Variants in FAM118B observed in about 807,000 individuals in gnomAD.
The protein encoded by FAM118B is SIR2 antiphage like 1.
A neutral mutation model predicts 38.5 loss-of-function variants in FAM118B; 24 were observed. That is an observed-to-expected ratio of 0.62 (90% CI 0.45 to 0.88). The LOEUF (loss-of-function observed/expected upper bound fraction) is 0.88. FAM118B is among the 40% of genes least tolerant of loss of function. FAM118B has a pLI of 0.00. For synonymous variants in FAM118B, 138 were observed against 156.3 expected (o/e 0.88, Z 0.87); for missense variants, 334 against 420.0 (o/e 0.80, Z 1.79).
chr11:126,257,739 T>C (rs1228927381), intron 7 of FAM118B, among the ~76,000 whole-genome samples: 5 of 152,168 alleles, frequency 3.3e-5, no homozygotes, highest in African/African-American at 9.7e-5. Flanking sequence ...TTATGTATTA[T>C]ATTTACAAAC....
intron 7 of FAM118B, 165 bp from the exon 8 acceptor site, chr11:126,261,260 C>T (rs1950691489): frequency 1.7e-6 from 1 of 600,296 alleles, no homozygotes; most frequent in Non-Finnish European, 3.0e-6. Context: ...AAGACTACTC[C>T]AGTTTATCCT....
At chr11:126,254,182 A>T in intron 5 of FAM118B, 123 bp from the exon 6 acceptor site, 2 of 1,201,188 alleles carry the variant, frequency 1.7e-6, no homozygotes, top group Non-Finnish European at 2.3e-6. Context: ...TTCTTGTCCT[A>T]TATCATGAAG....
intron 7 of FAM118B, chr11:126,261,159 T>TGTAAAAA: frequency 2.3e-6 from 1 of 440,324 alleles, no homozygotes; most frequent in African/African-American, 2.0e-5. Context: ...GTATGTGAAA[T>TGTAAAAA]GTAAAATGTA....
At chr11:126,213,536 A>G (rs1360347107) in intron 1 of FAM118B, among the ~76,000 whole-genome samples, 5 of 152,230 alleles carry the variant, frequency 3.3e-5, no homozygotes, top group African/African-American at 7.2e-5. Flanking sequence ...TGAACATCAC[A>G]TATTACTTAG....
At chr11:126,213,529 A>G (rs1191238054) in intron 1 of FAM118B, among the ~76,000 whole-genome samples, 2 of 152,240 alleles carry the variant, frequency 1.3e-5, no homozygotes, top group African/African-American at 4.8e-5. Flanking sequence ...TTTCACTTGA[A>G]CATCACATAT....
rs182300248 is a variant in FAM118B at position 126,214,049 on chromosome 11, A to T, written c.-77+2219A>T. The stretch of plus-strand genomic sequence containing the variant: ...GGTGATTTAAAGTAGAGTTGTTCTC[A>T]GTATAAAGAATTTATGTGGCCGGGC... On this transcript the variant is annotated intron_variant, in intron 1 of 8. Transcript: ENST00000533050. Among the ~76,000 whole-genome samples the T allele has an allele frequency of 2.0e-3, 302 of 152,342 alleles. 1 individual carries two copies. The highest frequency in any genetic ancestry group is 0.014 in the Admixed American group (219 of 15,306).
chr11:126,247,626 G>A (rs914113569), intron 4 of FAM118B, among the ~76,000 whole-genome samples: 8 of 152,006 alleles, frequency 5.3e-5, no homozygotes, highest in Admixed American at 1.3e-4. Context: ...TTGGGAGGCC[G>A]AGGCGGGCAG....
In FAM118B at chr11:126,244,254, A is replaced by G. The variant is rs1417827805; in HGVS notation, c.339+3210A>G. Among the ~76,000 whole-genome samples the G allele has an allele frequency of 6.6e-6, 1 of 152,230 alleles. No individual in the cohort carries two copies. Among genetic ancestry groups the G allele is most frequent in the African/African-American group, 2.4e-5 (1 of 41,460 alleles). ...GATGTTCTAGACCGGGCAGTTAAGC[A>G]AGAAAACTAAAGGAATCCATATTGG... On this transcript the variant is annotated intron_variant, in intron 4 of 8. Coordinates refer to ENST00000533050, the MANE Select transcript of FAM118B (RefSeq NM_024556.4). This position sits in a 1 kb window ranked among gnomAD's most constrained non-coding sequence, Gnocchi z 4.5.
intron 3 of FAM118B, among the ~76,000 whole-genome samples, chr11:126,237,740 C>T (rs1293766232): frequency 8.9e-5 from 13 of 146,298 alleles, no homozygotes; most frequent in African/African-American, 3.0e-4. Context: ...GCCTGTAATC[C>T]CAGCTACTCG....
chr11:126,234,488 A>G (rs1331139054), intron 2 of FAM118B, among the ~76,000 whole-genome samples: 1 of 152,228 alleles, frequency 6.6e-6, no homozygotes, highest in Non-Finnish European at 1.5e-5. Flanking sequence ...CAAGGTCACC[A>G]TCGTCCAACA....
chr11:126,227,021 AAGAG>A (rs1188637929), intron 1 of FAM118B, among the ~76,000 whole-genome samples: 1 of 151,134 alleles, frequency 6.6e-6, no homozygotes, highest in East Asian at 1.9e-4. Flanking sequence ...GATAAATTGA[AAGAG>A]AGAAATTGAA....
chr11:126,242,024 CAAAAA>C (rs60865966), intron 4 of FAM118B, among the ~76,000 whole-genome samples: 3 of 88,412 alleles, frequency 3.4e-5, no homozygotes, highest in East Asian at 6.4e-4. Context: ...GACTCCGTCT[CAAAAA>C]AAAAAAAAAA....
At chr11:126,251,731 C>CTTTT (rs1253065266) in intron 5 of FAM118B, among the ~76,000 whole-genome samples, 1 of 137,464 alleles carries the variant, frequency 7.3e-6, no homozygotes, top group Non-Finnish European at 1.6e-5. Context: ...TAACTTGCAG[C>CTTTT]TTTTTTTTTT....
intron 1 of FAM118B, chr11:126,214,514 G>GTTGTTTTTGTTTT (rs1949951464): frequency 2.4e-5 from 1 of 41,500 alleles, no homozygotes; most frequent in Admixed American, 4.9e-4. Flanking sequence ...TTTTTTTTTT[G>GTTGTTTTTGTTTT]TTTTTTTTTT....
Position 126,262,280 on chromosome 11 carries a change from A to G in FAM118B, c.*147A>G, listed in dbSNP as rs1950716887. On this transcript the variant is annotated 3_prime_UTR_variant, in exon 9 of 9. Transcript: ENST00000533050. ...GAAGGGCGGGGTAGAAGAGGGGGGAATGTTGCAGCGTAATCCTTCATACCA... is the reference window on the plus strand; with the variant it reads ...GAAGGGCGGGGTAGAAGAGGGGGGAGTGTTGCAGCGTAATCCTTCATACCA... The G allele has an allele frequency of 1.3e-5, 8 of 639,338 alleles. No individual in the cohort carries two copies. Among genetic ancestry groups the G allele is most frequent in the East Asian group, 3.9e-5 (1 of 25,774 alleles). The allele number at this position is 639,338 out of a possible 1,614,324, so 39.6% of individuals were successfully genotyped here. A position where few individuals can be genotyped will look rare whatever the true frequency, so the allele number is the denominator to read the frequency against.
chr11:126,236,917 C>CTTT (rs34983028), intron 3 of FAM118B, among the ~76,000 whole-genome samples: 6 of 68,396 alleles, frequency 8.8e-5, no homozygotes, highest in South Asian at 5.4e-4. Context: ...TTCACAGATG[C>CTTT]TTTTTTTTTT....
chr11:126,214,892 C>T (rs561495348), intron 1 of FAM118B, among the ~76,000 whole-genome samples: 24 of 152,276 alleles, frequency 1.6e-4, no homozygotes, highest in Admixed American at 1.0e-3. Context: ...AAGGAACTTG[C>T]GTTTATCACA....
rs1950391751 is a variant in FAM118B at position 126,244,040 on chromosome 11, A to C, written c.339+2996A>C. ...CAACACTCTTTCATGATTTTTTTTA[A>C]AAAAGCCACACTCTACAAATGAAGG... On this transcript the variant is annotated intron_variant, in intron 4 of 8. Coordinates refer to ENST00000533050, the MANE Select transcript of FAM118B (RefSeq NM_024556.4). The surrounding 1 kb of genome is among the most constrained non-coding windows in gnomAD (Gnocchi z 4.5). 6.6e-6 allele frequency among the ~76,000 whole-genome samples: 1 copy of C among 152,226 alleles called. No homozygotes were observed. The highest frequency in any genetic ancestry group is 6.5e-5 in the Admixed American group (1 of 15,274).
chr11:126,212,199 G>C (rs1949890850), intron 1 of FAM118B, among the ~76,000 whole-genome samples: 1 of 152,112 alleles, frequency 6.6e-6, no homozygotes, highest in African/African-American at 2.4e-5. Flanking sequence ...GTTGTAACCT[G>C]TACCCTTCTC....
Sources: allele counts gnomAD v4.1 joint callset (sites outside exome capture counted in the v4.1 genomes callset), GRCh38; gene constraint gnomAD v4.1.1; non-coding constraint Gnocchi (gnomAD v3.1); transcripts MANE v1.5; gene names NCBI Gene and HGNC (gene_info 2026-07-23, HGNC 2026-07-21).